Variants in ZNF547 observed in about 807,000 individuals in gnomAD.
The protein encoded by ZNF547 is zinc finger protein 547.
Under a neutral mutation model 7.7 loss-of-function variants are expected in ZNF547, and 4 were observed. That is an observed-to-expected ratio of 0.52 (90% CI 0.26 to 1.20). The LOEUF is 1.20. Among genes scored for constraint, ZNF547 ranks in the 50% most tolerant of loss-of-function variants. The pLI, the probability that ZNF547 is intolerant of heterozygous loss-of-function variation, is 0.14. For missense variants in ZNF547, 449 were observed against 485.8 expected, an observed-to-expected ratio of 0.92 and a Z score of 0.71; for synonymous variants, 166 against 166.2, an observed-to-expected ratio of 1.00 and a Z score of 0.01.
chr19:57,371,188 G>A (rs2088502246), intron 2 of ZNF547: 1 of 152,436 alleles, frequency 6.6e-6, no homozygotes, highest in African/African-American at 2.4e-5. Context: ...CTGACCTCAG[G>A]TGATCTGCCC....
At position 57,378,826 on chromosome 19, in the gene ZNF547, T is replaced by C. The variant is rs1254910899; in HGVS notation, c.*641T>C. ...CTTTATCTTGTAAAATGAAACTCTA[T>C]AACCACCATTAAAAAAACAACTCAT... On this transcript the variant is annotated 3_prime_UTR_variant, in exon 4 of 4. Transcript: ENST00000282282. The C allele has an allele frequency of 2.5e-6, 1 of 400,972 alleles. No individual in the cohort carries two copies. Among genetic ancestry groups the C allele is most frequent in the Non-Finnish European group, 4.8e-6 (1 of 206,446 alleles). The allele number at this position is 400,972 out of a possible 1,614,324, so 24.8% of individuals were successfully genotyped here. A position where few individuals can be genotyped will look rare whatever the true frequency, so the allele number is the denominator to read the frequency against.
chr19:57,367,442 A>AG (rs1253936673), intron 1 of ZNF547, among the ~76,000 whole-genome samples: 5 of 151,986 alleles, frequency 3.3e-5, no homozygotes, highest in Non-Finnish European at 5.9e-5. Context: ...AAAAAAAAAA[A>AG]AAAAGAATAG....
At chr19:57,370,915 G>A (rs2088500532) in intron 2 of ZNF547, 1 of 152,088 alleles carries the variant, frequency 6.6e-6, no homozygotes, top group African/African-American at 2.4e-5. Flanking sequence ...TGAGTTCCTG[G>A]AGAGAGAAAA....
At chr19:57,370,352 C>T (rs1355687739) in intron 2 of ZNF547, among the ~76,000 whole-genome samples, 2 of 152,108 alleles carry the variant, frequency 1.3e-5, no homozygotes, top group African/African-American at 4.8e-5. Flanking sequence ...GAACCTTCAA[C>T]CCAGGGCTTA....
intron 3 of ZNF547, among the ~76,000 whole-genome samples, chr19:57,376,319 G>C (rs552050353): frequency 6.6e-6 from 1 of 152,296 alleles, no homozygotes; most frequent in Non-Finnish European, 1.5e-5. Flanking sequence ...TCTGGGTGGG[G>C]ACGCAGAGCC....
At chr19:57,374,496 C>A (rs988431690) in intron 3 of ZNF547, among the ~76,000 whole-genome samples, 7 of 152,244 alleles carry the variant, frequency 4.6e-5, no homozygotes, top group Admixed American at 3.3e-4. Flanking sequence ...TCCCCATCAC[C>A]TTCGTGGTTA....
chr19:57,368,278 G>A (rs2088482531), intron 1 of ZNF547: 1 of 426,624 alleles, frequency 2.3e-6, no homozygotes, highest in East Asian at 3.8e-5. Context: ...TGAGCAACGA[G>A]TGTTTGACAC....
intron 1 of ZNF547, among the ~76,000 whole-genome samples, chr19:57,365,595 G>A (rs1465781242): frequency 2.6e-4 from 37 of 145,046 alleles, no homozygotes; most frequent in Admixed American, 2.2e-3. Flanking sequence ...TGCACCCTCC[G>A]CCTCCCAGGT....
At position 57,364,975 on chromosome 19, in the gene ZNF547, C is replaced by G. The variant is rs1316996371; in HGVS notation, c.-13+1272C>G. The G allele has an allele frequency of 6.8e-6, 11 of 1,612,976 alleles. No individual in the cohort carries two copies. The South Asian group carries it at 8.8e-5, about 13-fold the overall frequency. On this transcript the variant is annotated intron_variant, in intron 1 of 3. Coordinates refer to ENST00000282282, the MANE Select transcript of ZNF547 (RefSeq NM_173631.4). ...GTTCATAGCTCATGCTGCTCTCGACCTCGTAGATGAGAACATGTGGCTGTC... is the reference window on the plus strand; with the variant it reads ...GTTCATAGCTCATGCTGCTCTCGACGTCGTAGATGAGAACATGTGGCTGTC...
rs2088540782 is a variant in ZNF547, at chr19:57,377,166, G to C, written c.190G>C (p.Glu64Gln). 1.2e-6 allele frequency: 2 copies of C among 1,614,184 alleles called. No homozygotes were observed. The highest frequency in any genetic ancestry group is 2.2e-5 in the South Asian group (2 of 91,086). The change falls in exon 4 of 4, where the codon GAG becomes CAG. Residue 64 changes from glutamate to glutamine, a missense_variant. Glu to Gln is a conservative substitution (Grantham distance 29). Transcript: ENST00000282282. Reference protein sequence around the residue: ...HGAEDEEAPLEPGVSVGVSQV... With the variant: ...HGAEDEEAPLQPGVSVGVSQV... Reference sequence around the variant, plus strand: ...AGCTGAGGATGAGGAGGCACCTTTAGAGCCAGGTGTTTCTGTAGGAGTGTC... The same window carrying C: ...AGCTGAGGATGAGGAGGCACCTTTACAGCCAGGTGTTTCTGTAGGAGTGTC...
chr19:57,364,632 TC>T (rs2088449551), intron 1 of ZNF547: 2 of 603,716 alleles, frequency 3.3e-6, no homozygotes, highest in African/African-American at 3.7e-5. Context: ...TCCCAGCTAT[TC>T]GGGAGGCTGA....
At chr19:57,368,946 A>G (rs1283602617) in intron 2 of ZNF547, among the ~76,000 whole-genome samples, 1 of 152,126 alleles carries the variant, frequency 6.6e-6, no homozygotes, top group Admixed American at 6.6e-5. Context: ...GTTATATCGG[A>G]TAGGAATAGG....
intron 1 of ZNF547, 90 bp from the exon 2 acceptor site, chr19:57,368,454 T>C: frequency 7.8e-7 from 1 of 1,275,148 alleles, no homozygotes; most frequent in South Asian, 1.2e-5. Context: ...TCAGTTTGCT[T>C]TAGGGTAAGG....
At chr19:57,372,680 C>T (rs1156731021) in intron 3 of ZNF547, among the ~76,000 whole-genome samples, 1 of 152,258 alleles carries the variant, frequency 6.6e-6, no homozygotes, top group Non-Finnish European at 1.5e-5. Flanking sequence ...CATTTTTACT[C>T]TGACTTCTAA....
At chr19:57,376,933 G>A (rs1337596174) in intron 3 of ZNF547, among the ~76,000 whole-genome samples, 195 bp from the exon 4 acceptor site, 4 of 152,112 alleles carry the variant, frequency 2.6e-5, no homozygotes, top group African/African-American at 4.8e-5. Context: ...TAACCACTCA[G>A]TCAGTGCTGA....
At chr19:57,375,410 G>A (rs769957210) in intron 3 of ZNF547, among the ~76,000 whole-genome samples, 1 of 136,464 alleles carries the variant, frequency 7.3e-6, no homozygotes, top group Non-Finnish European at 1.5e-5. Context: ...CAGCACCTTG[G>A]GGGGGCTGAG....
intron 2 of ZNF547, 77 bp from the exon 3 acceptor site, chr19:57,371,705 A>C: frequency 6.5e-7 from 1 of 1,529,190 alleles, no homozygotes; most frequent in Non-Finnish European, 8.8e-7. Context: ...GGTAAATATA[A>C]GTAGAAAATA....
chr19:57,367,602 AG>A (rs1269759908), intron 1 of ZNF547, among the ~76,000 whole-genome samples: 1 of 152,122 alleles, frequency 6.6e-6, no homozygotes, highest in Non-Finnish European at 1.5e-5. Context: ...TACTTTAGAA[AG>A]GCGCAGACCT....
chr19:57,364,520 A>G (rs907030607), intron 1 of ZNF547: 3 of 409,596 alleles, frequency 7.3e-6, no homozygotes, highest in Admixed American at 3.8e-5. Flanking sequence ...AGGCGAGCGG[A>G]TCACAAGGTC....
Sources: gnomAD v4.1 joint callset for allele counts (sites outside exome capture counted in the v4.1 genomes callset) on GRCh38, gnomAD v4.1.1 for gene constraint, MANE v1.5 for transcripts, NCBI Gene and HGNC (gene_info 2026-07-23, HGNC 2026-07-21) for gene names.